The following ZNF487 variants were observed in gnomAD, a reference collection of about 807,000 sequenced individuals.
The protein encoded by ZNF487 is KRAB domain only 1.
ZNF487 carries 4 observed loss-of-function variants against 3.0 expected under a neutral mutation model. That is an observed-to-expected ratio of 1.35 (90% CI 0.66 to 3.08). ZNF487 has a LOEUF of 3.08. Among genes scored for constraint, ZNF487 ranks in the 30% most tolerant of loss-of-function variants. The pLI is 0.01. For synonymous variants in ZNF487, 55 were observed against 34.6 expected, an observed-to-expected ratio of 1.59 and a Z score of -2.06; for missense variants, 146 against 98.7, an observed-to-expected ratio of 1.48 and a Z score of -2.03.
At chr10:43,463,431 G>A (rs537430139) in intron 1 of ZNF487, among the ~76,000 whole-genome samples, 3 of 152,048 alleles carry the variant, frequency 2.0e-5, no homozygotes, top group African/African-American at 7.2e-5. Context: ...CCAGCTACTC[G>A]GGAGGCTGAG....
intron 1 of ZNF487, among the ~76,000 whole-genome samples, chr10:43,463,927 CCT>C (rs1840539455): frequency 6.6e-6 from 1 of 151,950 alleles, no homozygotes; most frequent in African/African-American, 2.4e-5. Flanking sequence ...TGGCTGTTCC[CCT>C]TTCTCTCTCC....
At chr10:43,451,490 C>A (rs913111616) in intron 1 of ZNF487, among the ~76,000 whole-genome samples, 1 of 149,330 alleles carries the variant, frequency 6.7e-6, no homozygotes, top group Admixed American at 6.7e-5. Context: ...GGTGATCCAC[C>A]CGCCTTGGCC....
At chr10:43,463,264 C>T (rs1211952675) in intron 1 of ZNF487, among the ~76,000 whole-genome samples, 6 of 147,102 alleles carry the variant, frequency 4.1e-5, no homozygotes, top group Non-Finnish European at 3.0e-5. Flanking sequence ...TTGGGCCAGG[C>T]GGATGGCTCA....
At chr10:43,461,815 A>G (rs1332606640) in intron 1 of ZNF487, among the ~76,000 whole-genome samples, 2 of 152,222 alleles carry the variant, frequency 1.3e-5, no homozygotes, top group East Asian at 3.9e-4. Context: ...ATTTCTTTAT[A>G]TTAGGGAAAT....
intron 1 of ZNF487, among the ~76,000 whole-genome samples, chr10:43,460,201 G>T (rs1840378688): frequency 6.6e-6 from 1 of 152,046 alleles, no homozygotes; most frequent in Non-Finnish European, 1.5e-5. Flanking sequence ...TGGATTGATT[G>T]ATATTAACCT....
rs1247735429 is a variant in ZNF487, at chr10:43,437,246, G to C, written c.-110G>C. ...TGCGGGCTGTGAGAGGGGGAGCGTGGAGCCTCCGAGGCCGAGGTGAGGGGC... is the reference window on the plus strand; with the variant it reads ...TGCGGGCTGTGAGAGGGGGAGCGTGCAGCCTCCGAGGCCGAGGTGAGGGGC... On this transcript the variant is annotated 5_prime_UTR_variant, in exon 1 of 4. Coordinates refer to ENST00000437590, the MANE Select transcript of ZNF487 (RefSeq NM_001355444.3). The C allele has an allele frequency of 8.8e-6, 2 of 228,364 alleles. No homozygotes were observed. The highest frequency in any genetic ancestry group is 1.8e-5 in the Non-Finnish European group (2 of 111,360). The allele number at this position is 228,364 out of a possible 1,614,324, so 14.1% of individuals were successfully genotyped here.
chr10:43,457,279 C>T (rs774407712), intron 1 of ZNF487, among the ~76,000 whole-genome samples: 37 of 151,464 alleles, frequency 2.4e-4, no homozygotes, highest in Admixed American at 1.4e-3. Context: ...AACAAAAACC[C>T]TAGCGCGGTG....
chr10:43,449,612 T>A (rs1839935907), intron 1 of ZNF487, among the ~76,000 whole-genome samples: 1 of 152,118 alleles, frequency 6.6e-6, no homozygotes, highest in African/African-American at 2.4e-5. Flanking sequence ...TGCTTCAACA[T>A]GCATTTTGAG....
At chr10:43,490,837 A>C in the ZNF487 span, among the ~76,000 whole-genome samples, 1 of 145,850 alleles carries the variant, frequency 6.9e-6, no homozygotes, top group Non-Finnish European at 1.5e-5. Flanking sequence ...TCTATGCTTG[A>C]CTAATTTTGT....
chr10:43,478,137 AG>A (rs1273798572), intron 3 of ZNF487, among the ~76,000 whole-genome samples: 1 of 152,182 alleles, frequency 6.6e-6, no homozygotes, highest in Admixed American at 6.6e-5. Flanking sequence ...CAAGTTATAT[AG>A]GCTCAGTGCA....
intron 1 of ZNF487, among the ~76,000 whole-genome samples, chr10:43,455,440 G>A (rs73255826): frequency 0.033 from 4,963 of 152,336 alleles, 269 homozygotes; most frequent in African/African-American, 0.11. Flanking sequence ...TGCTTTCCGG[G>A]AGAATCCCTG....
At chr10:43,496,027 G>A in the ZNF487 span, 1 of 533,502 alleles carries the variant, frequency 1.9e-6, no homozygotes. Context: ...GATCAGTGTC[G>A]CTCAAGGACG....
At chr10:43,444,321 C>T (rs1016575646) in intron 1 of ZNF487, among the ~76,000 whole-genome samples, 2 of 152,132 alleles carry the variant, frequency 1.3e-5, no homozygotes, top group Non-Finnish European at 2.9e-5. Context: ...GAACCCAGCA[C>T]TGTGTCGTTC....
At chr10:43,493,655 G>A in the ZNF487 span, among the ~76,000 whole-genome samples, 24 of 132,800 alleles carry the variant, frequency 1.8e-4, no homozygotes, top group African/African-American at 7.1e-4. Context: ...TGTGCCACTG[G>A]ACAGCCTGGG....
the ZNF487 span, among the ~76,000 whole-genome samples, chr10:43,516,274 G>T: frequency 3.9e-5 from 6 of 152,130 alleles, no homozygotes; most frequent in Admixed American, 6.5e-5. Flanking sequence ...TCATGCCAAG[G>T]ACTATCAGTG....
At chr10:43,493,105 C>T in the ZNF487 span, among the ~76,000 whole-genome samples, 159 of 152,262 alleles carry the variant, frequency 1.0e-3, no homozygotes, top group South Asian at 0.013. Flanking sequence ...TGTCGCATGC[C>T]TGTAATCCCA....
chr10:43,483,266 G>A (rs1354636794), downstream of ZNF487: 1 of 372,570 alleles, frequency 2.7e-6, no homozygotes, highest in Non-Finnish European at 5.2e-6. Flanking sequence ...TTGAGACAGA[G>A]TTTCGCTCTT....
In ZNF487 at chr10:43,482,692, C is replaced by T. The variant is rs757216780; in HGVS notation, c.*770C>T. 2.1e-6 allele frequency: 1 copy of T among 470,332 alleles called. No homozygotes were observed. The highest frequency in any genetic ancestry group is 1.6e-5 in the South Asian group (1 of 62,690). The allele number at this position is 470,332 out of a possible 1,614,324, so 29.1% of individuals were successfully genotyped here. ...TGTAAGGAATGTGGGAAAACTTTCT[C>T]CCAGAAGCCAAACTTCATTAATCAT... On this transcript the variant is annotated 3_prime_UTR_variant, in exon 4 of 4. Transcript: ENST00000437590.
the ZNF487 span, among the ~76,000 whole-genome samples, chr10:43,517,393 G>T: frequency 1.3e-5 from 2 of 152,178 alleles, no homozygotes; most frequent in African/African-American, 4.8e-5. Flanking sequence ...GCCCACCTTG[G>T]ATGGATTCCC....
Sources: gnomAD v4.1 joint callset for allele counts (sites outside exome capture counted in the v4.1 genomes callset) on GRCh38, gnomAD v4.1.1 for gene constraint, MANE v1.5 for transcripts, NCBI Gene and HGNC (gene_info 2026-07-23, HGNC 2026-07-21) for gene names.